The following UNC5C variants were observed in gnomAD, a reference collection of about 807,000 sequenced individuals.
UNC5C encodes the protein unc-5 netrin receptor C.
A neutral mutation model predicts 99.8 loss-of-function variants in UNC5C; 47 were observed. The ratio of observed to expected loss-of-function variants is 0.47; its 90% CI spans 0.37 to 0.60. The LOEUF is 0.60. Ranked by LOEUF, UNC5C falls within the 20% of genes least tolerant of loss-of-function variation. The pLI is 0.00. For missense variants in UNC5C, 1,062 were observed against 1,165.9 expected, an observed-to-expected ratio of 0.91 and a Z score of 1.30; for synonymous variants, 487 against 452.2, an observed-to-expected ratio of 1.08 and a Z score of -0.98.
intron 1 of UNC5C, 55 bp downstream of exon 1, chr4:95,548,679 G>A (rs1723143263): frequency 1.3e-6 from 2 of 1,584,238 alleles, no homozygotes; most frequent in Admixed American, 1.8e-5. Context: ...AGGAGAGGAA[G>A]GAGGGAAGGA....
At chr4:95,528,043 G>A (rs866986670) in intron 1 of UNC5C, among the ~76,000 whole-genome samples, 2 of 152,162 alleles carry the variant, frequency 1.3e-5, no homozygotes, top group Middle Eastern at 6.8e-3. Context: ...TTTTACTAGT[G>A]GGAGGATTAC....
At chr4:95,329,235 A>G (rs866292439) in intron 2 of UNC5C, among the ~76,000 whole-genome samples, 2 of 152,310 alleles carry the variant, frequency 1.3e-5, no homozygotes, top group Middle Eastern at 3.4e-3. Context: ...GCTTGCAGTG[A>G]GCTATGATCA....
chr4:95,173,559 A>G (rs1250558854), intron 14 of UNC5C, among the ~76,000 whole-genome samples: 13 of 139,352 alleles, frequency 9.3e-5, no homozygotes, highest in Admixed American at 1.5e-4. Flanking sequence ...ATTTGCGTAT[A>G]TTGAACCAGC....
intron 2 of UNC5C, among the ~76,000 whole-genome samples, chr4:95,332,766 C>G (rs554338940): frequency 0.01 from 1,575 of 150,900 alleles, 29 homozygotes; most frequent in African/African-American, 0.035. Flanking sequence ...AAAGAAACTA[C>G]CATCAGAGTG....
chr4:95,264,470 A>C (rs1043214455), intron 4 of UNC5C, among the ~76,000 whole-genome samples: 2 of 152,130 alleles, frequency 1.3e-5, no homozygotes, highest in African/African-American at 4.8e-5. Context: ...CAACAAACTG[A>C]ATAGTCCAAA....
At chr4:95,448,610 A>G (rs570042314) in intron 1 of UNC5C, among the ~76,000 whole-genome samples, 4 of 152,312 alleles carry the variant, frequency 2.6e-5, no homozygotes, top group African/African-American at 9.6e-5. Context: ...AAATGGTGGC[A>G]AGTGTAACAT....
chr4:95,165,694 A>G lies in UNC5C; in HGVS notation c.*3540T>C, dbSNP rs978577143. The G allele has an allele frequency of 1.3e-5, 2 of 152,250 alleles. No homozygotes were observed. Among genetic ancestry groups the G allele is most frequent in the Non-Finnish European group, 2.9e-5 (2 of 68,046 alleles). 9.4% of individuals were successfully genotyped at this position (152,250 alleles called of 1,614,324 possible). ...CCCCAATTTTCTCTTCCCTAGACAT[A>G]GTATTCCATTCGCATATATAAGACT... On this transcript the variant is annotated 3_prime_UTR_variant, in exon 16 of 16. Coordinates refer to ENST00000453304, the MANE Select transcript of UNC5C (RefSeq NM_003728.4).
chr4:95,200,571 A>C (rs1441302574), intron 12 of UNC5C, among the ~76,000 whole-genome samples: 1 of 152,262 alleles, frequency 6.6e-6, no homozygotes, highest in Non-Finnish European at 1.5e-5. Context: ...AATGAAGATT[A>C]AATGAGTTAA....
chr4:95,258,378 T>TA (rs1329035904), intron 4 of UNC5C, among the ~76,000 whole-genome samples: 2 of 152,182 alleles, frequency 1.3e-5, no homozygotes, highest in African/African-American at 2.4e-5. Context: ...CAAACTGATT[T>TA]ATACAAGAAA....
chr4:95,446,439 T>C (rs1308290511), intron 1 of UNC5C, among the ~76,000 whole-genome samples: 1 of 152,152 alleles, frequency 6.6e-6, no homozygotes, highest in African/African-American at 2.4e-5. Flanking sequence ...ATAATGATGA[T>C]TATTTAGATT....
chr4:95,432,109 A>G (rs997961505), intron 1 of UNC5C, among the ~76,000 whole-genome samples: 1 of 152,056 alleles, frequency 6.6e-6, no homozygotes, highest in Non-Finnish European at 1.5e-5. Flanking sequence ...AATTGGAATG[A>G]CCCTCAAGTT....
At position 95,426,195 on chromosome 4, in the gene UNC5C, G is replaced by A. The variant is rs151328558; in HGVS notation, c.125-90564C>T. On this transcript the variant is annotated intron_variant, in intron 1 of 15. Transcript: ENST00000453304. ...TTGTTAATTCTTGCCGTATTTCAAA[G>A]TTTTCATTATAATTAAATCTGCCAT... 6.3e-3 allele frequency among the ~76,000 whole-genome samples: 952 copies of A among 152,280 alleles called. 5 individuals are homozygous for A. Among genetic ancestry groups the A allele is most frequent in the Non-Finnish European group, 9.7e-3 (660 of 68,016 alleles).
intron 14 of UNC5C, among the ~76,000 whole-genome samples, chr4:95,179,626 G>C (rs1248419036): frequency 6.6e-6 from 1 of 151,366 alleles, no homozygotes; most frequent in African/African-American, 2.4e-5. Context: ...ATATGCCTGT[G>C]ATCCCAGCTA....
intron 1 of UNC5C, among the ~76,000 whole-genome samples, chr4:95,427,465 C>G (rs1746516425): frequency 6.6e-6 from 1 of 152,138 alleles, no homozygotes; most frequent in Non-Finnish European, 1.5e-5. Context: ...GCAAACTTCA[C>G]TGTTCTCTTA....
intron 7 of UNC5C, among the ~76,000 whole-genome samples, chr4:95,237,867 C>T (rs1739178415): frequency 6.6e-6 from 1 of 152,172 alleles, no homozygotes; most frequent in African/African-American, 2.4e-5. Flanking sequence ...CATGGTAAAA[C>T]CCTGTCTCTA....
chr4:95,338,808 T>C (rs903607747), intron 1 of UNC5C, among the ~76,000 whole-genome samples: 11 of 152,102 alleles, frequency 7.2e-5, no homozygotes, highest in Admixed American at 2.0e-4. Flanking sequence ...CTCAGATTCA[T>C]TTACAATTAT....
chr4:95,169,492 A>T, intron 15 of UNC5C, 93 bp from the exon 16 acceptor site: 1 of 1,424,608 alleles, frequency 7.0e-7, no homozygotes, highest in Non-Finnish European at 9.6e-7. Context: ...CTTGTCTTTA[A>T]GTTTCCTGGT....
intron 2 of UNC5C, among the ~76,000 whole-genome samples, chr4:95,314,847 C>T (rs112717708): frequency 3.9e-5 from 6 of 152,234 alleles, no homozygotes; most frequent in African/African-American, 9.6e-5. Flanking sequence ...TAGTATTTCA[C>T]GTCAATTTGT....
intron 10 of UNC5C, among the ~76,000 whole-genome samples, chr4:95,211,757 T>C (rs991825745): frequency 6.6e-6 from 1 of 152,154 alleles, no homozygotes; most frequent in African/African-American, 2.4e-5. Context: ...TTCCCCATTT[T>C]CTTACCTTTT....
Sources: allele counts gnomAD v4.1 joint callset (sites outside exome capture counted in the v4.1 genomes callset), GRCh38; gene constraint gnomAD v4.1.1; transcripts MANE v1.5; gene names NCBI Gene and HGNC (gene_info 2026-07-23, HGNC 2026-07-21).